The following CEP131 variants were observed in gnomAD, a reference collection of about 807,000 sequenced individuals.
CEP131 encodes the protein centrosomal protein 131.
A neutral mutation model predicts 136.8 loss-of-function variants in CEP131; 99 were observed. That is an observed-to-expected ratio of 0.72 (90% CI 0.62 to 0.86). The LOEUF (loss-of-function observed/expected upper bound fraction) is 0.86. Among genes scored for constraint, CEP131 ranks in the 40% least tolerant of loss-of-function variants. The pLI is 0.00. For synonymous variants in CEP131, 646 were observed against 612.7 expected (o/e 1.05, Z -0.80); for missense variants, 1,459 against 1,463.0 (o/e 1.00, Z 0.04).
chr17:81,214,241 C>T (rs1224538630), intron 2 of CEP131, among the ~76,000 whole-genome samples: 1 of 152,188 alleles, frequency 6.6e-6, no homozygotes, highest in African/African-American at 2.4e-5. Flanking sequence ...TAAAACTATA[C>T]TAACATAAAA....
intron 18 of CEP131, among the ~76,000 whole-genome samples, chr17:81,193,419 G>C (rs548966460): frequency 8.4e-4 from 128 of 152,322 alleles, no homozygotes; most frequent in African/African-American, 2.8e-3. Context: ...AGACAGTGCA[G>C]GAGGGGCTGC....
chr17:81,199,017 CG>C, intron 10 of CEP131, 46 bp from the exon 11 acceptor site: 1 of 1,453,242 alleles, frequency 6.9e-7, no homozygotes, highest in Non-Finnish European at 9.1e-7. Context: ...CATCCCGGGG[CG>C]GGCAGCAACT....
At chr17:81,190,079 C>A in intron 24 of CEP131, 104 bp from the exon 25 acceptor site, 1 of 1,054,946 alleles carries the variant, frequency 9.5e-7, no homozygotes. Context: ...TCAGCCTGGT[C>A]CCAGCCCTGC....
intron 18 of CEP131, 128 bp downstream of exon 18, chr17:81,193,798 T>C (rs2061693456): frequency 2.8e-6 from 3 of 1,079,966 alleles, no homozygotes; most frequent in African/African-American, 3.3e-5. Context: ...CCAAGGGCCC[T>C]GCGTCCTCCC....
chr17:81,196,202 C>G (rs188650554), intron 15 of CEP131, among the ~76,000 whole-genome samples: 113 of 152,362 alleles, frequency 7.4e-4, no homozygotes, highest in Admixed American at 5.6e-3. Context: ...CAGCCCACCC[C>G]CTGCAGTGAT....
chr17:81,199,060 G>C (rs2061832065), intron 10 of CEP131, 89 bp from the exon 11 acceptor site: 3 of 1,289,734 alleles, frequency 2.3e-6, no homozygotes, highest in Non-Finnish European at 3.1e-6. Context: ...AGCCAGGCAT[G>C]GGGGAGGCGG....
Position 81,219,779 on chromosome 17 carries a change from G to A in CEP131, c.177+101C>T. ...GAGGATCCAGCATGTCCAGATGTGA[G>A]GCACTTGTTCACCTGTGGAGCTGGA... On this transcript the variant is annotated intron_variant, in intron 2 of 25. Coordinates refer to ENST00000450824, the MANE Select transcript of CEP131 (RefSeq NM_014984.4). This position sits in a 1 kb window ranked among gnomAD's most constrained non-coding sequence, Gnocchi z 4.0. The A allele has an allele frequency of 7.9e-7, 1 of 1,267,192 alleles. No homozygotes were observed. Among genetic ancestry groups the A allele is most frequent in the Non-Finnish European group, 1.1e-6 (1 of 940,712 alleles). 78.5% of individuals were successfully genotyped at this position (1,267,192 alleles called of 1,614,324 possible).
Position 81,189,695 on chromosome 17 carries a change from T to G in CEP131, c.*74A>C. The G allele has an allele frequency of 6.9e-7, 1 of 1,454,892 alleles. No homozygotes were observed. Among genetic ancestry groups the G allele is most frequent in the Non-Finnish European group, 9.2e-7 (1 of 1,085,788 alleles). The allele number at this position is 1,454,892 out of a possible 1,614,324, so 90.1% of individuals were successfully genotyped here. A position where few individuals can be genotyped will look rare whatever the true frequency, so the allele number is the denominator to read the frequency against. ...TCTGTGGGGGGCAGGTGGGCGTCCC[T>G]GTGGGCCTCTGGGCCCACGTCCAGC... On this transcript the variant is annotated 3_prime_UTR_variant, in exon 26 of 26. Transcript: ENST00000450824.
In CEP131 at chr17:81,191,238, T is replaced by A; in HGVS notation, c.2720A>T (p.Asp907Val). 1 of 1,613,148 alleles carries A rather than the reference T, an allele frequency of 6.2e-7. No individual in the cohort carries two copies. The highest frequency in any genetic ancestry group is 8.5e-7 in the Non-Finnish European group (1 of 1,179,958). Residue 907 changes from aspartate (D) to valine (V), a missense_variant, in exon 22 of 26, where the codon GAC (aspartate) becomes GTC (valine). This residue lies in a region of CEP131 where 1,026 missense variants were observed against 964.2 expected (regional missense o/e 1.06). Coordinates refer to ENST00000450824, the MANE Select transcript of CEP131 (RefSeq NM_014984.4). Reference sequence around the variant, plus strand: ...ACTCTCCTCCTTGGCCAGCGCCATGTCGGCCTCCAGCCGGTGAATGACCAG... The same window carrying A: ...ACTCTCCTCCTTGGCCAGCGCCATGACGGCCTCCAGCCGGTGAATGACCAG... The part of the protein sequence containing the change: ...IELVIHRLEA[D>V]MALAKEESEK...
chr17:81,206,906 C>T (rs1277489563), intron 4 of CEP131, 35 bp from the exon 5 acceptor site: 6 of 1,595,118 alleles, frequency 3.8e-6, no homozygotes, highest in African/African-American at 1.3e-5. Flanking sequence ...ACCGCCCGCA[C>T]ACACCCAGAC....
intron 5 of CEP131, among the ~76,000 whole-genome samples, chr17:81,204,449 C>T (rs909883200): frequency 6.6e-6 from 1 of 152,114 alleles, no homozygotes; most frequent in African/African-American, 2.4e-5. Context: ...TGAGGAGGGT[C>T]CCACAGACAC....
chr17:81,202,219 CACCG>C lies in CEP131; in HGVS notation c.788+17_788+20del. On this transcript the variant is annotated intron_variant, in intron 7 of 25. Coordinates refer to ENST00000450824, the MANE Select transcript of CEP131 (RefSeq NM_014984.4). ...TGTGTTCTAGGCTCAGGCCCCCCCC[CACCG>C]CCCCAAGATCGGTCACCTCTCAGCC... The C allele has an allele frequency of 6.4e-7, 1 of 1,552,952 alleles. No homozygotes were observed. Among genetic ancestry groups the C allele is most frequent in the Non-Finnish European group, 8.7e-7 (1 of 1,144,480 alleles).
rs998933735 is a variant in CEP131 at position 81,215,203 on chromosome 17, T to C, written c.177+4677A>G. Among the ~76,000 whole-genome samples the C allele has an allele frequency of 3.9e-5, 6 of 152,038 alleles. No homozygotes were observed. The highest frequency in any genetic ancestry group is 1.4e-4 in the African/African-American group (6 of 41,410). On this transcript the variant is annotated intron_variant, in intron 2 of 25. Transcript: ENST00000450824. This position sits in a 1 kb window ranked among gnomAD's most constrained non-coding sequence, Gnocchi z 4.1. The stretch of plus-strand genomic sequence containing the variant: ...CAAACTTTCTGGGTTCAAGCCATCC[T>C]CCTGCCCCAGCCTCCCATGTAGCTG...
chr17:81,192,685 G>GGGGGGGGGGGGCCCCCC, intron 19 of CEP131, 51 bp downstream of exon 19: 9 of 478,386 alleles, frequency 1.9e-5, no homozygotes, highest in Non-Finnish European at 3.7e-5. Context: ...GGGGGGAGGG[G>GGGGGGGGGGGGCCCCCC]TCAGCCAGCG....
rs11150775 is a variant in CEP131 at position 81,197,628 on chromosome 17, G to T, written c.1647+84C>A. On this transcript the variant is annotated intron_variant, in intron 13 of 25. Coordinates refer to ENST00000450824, the MANE Select transcript of CEP131 (RefSeq NM_014984.4). Reference sequence around the variant, plus strand: ...TGGGGGCCAGGTGCGGGCTGGTGAGGGGCCTCCTCCCCCGAGGGCCAGGTG... The same window carrying T: ...TGGGGGCCAGGTGCGGGCTGGTGAGTGGCCTCCTCCCCCGAGGGCCAGGTG... 1,059 of 1,494,544 alleles carry T rather than the reference G, an allele frequency of 7.1e-4. 11 individuals are homozygous for T. In the East Asian group the frequency reaches 0.021, roughly 29 times the overall value. 92.6% of individuals were successfully genotyped at this position (1,494,544 alleles called of 1,614,324 possible).
At chr17:81,214,997 T>G (rs977631137) in intron 2 of CEP131, among the ~76,000 whole-genome samples, 3 of 151,956 alleles carry the variant, frequency 2.0e-5, no homozygotes, top group Non-Finnish European at 2.9e-5. Flanking sequence ...CAGGATGGTC[T>G]CAATCTCCTG....
Position 81,202,409 on chromosome 17 carries a change from A to T in CEP131, c.630-11T>A. The T allele has an allele frequency of 6.2e-6, 10 of 1,611,638 alleles. No individual in the cohort carries two copies. The highest frequency in any genetic ancestry group is 8.5e-6 in the Non-Finnish European group (10 of 1,179,436). On this transcript the variant is annotated splice_polypyrimidine_tract_variant and intron_variant, in intron 6 of 25. Transcript: ENST00000450824. Reference sequence around the variant, plus strand: ...GCCTTGATGATGTTGCTGACAGGTAAGAAGAAAACACCCTCGTCTCACCGC... The same window carrying T: ...GCCTTGATGATGTTGCTGACAGGTATGAAGAAAACACCCTCGTCTCACCGC...
chr17:81,206,074 C>T (rs2062003042), intron 5 of CEP131, among the ~76,000 whole-genome samples: 1 of 151,884 alleles, frequency 6.6e-6, no homozygotes, highest in Non-Finnish European at 1.5e-5. Context: ...GGCGTGGTGG[C>T]GTGGTGGCAC....
chr17:81,222,318 ACCCTGG>A (rs1051580668), intron 1 of CEP131, among the ~76,000 whole-genome samples: 9 of 140,340 alleles, frequency 6.4e-5, no homozygotes, highest in African/African-American at 2.3e-4. Context: ...CCTGACCCTG[ACCCTGG>A]ACAGAGAGGC....
Sources: gnomAD v4.1 joint callset for allele counts (sites outside exome capture counted in the v4.1 genomes callset) on GRCh38, gnomAD v4.1.1 for gene constraint, gnomAD v4.1.1 regional missense constraint, Gnocchi (gnomAD v3.1) non-coding constraint, MANE v1.5 for transcripts, NCBI Gene and HGNC (gene_info 2026-07-23, HGNC 2026-07-21) for gene names.